Variants in CCDC102B observed in about 807,000 individuals in gnomAD.
CCDC102B encodes the protein coiled-coil domain-containing protein 102B.
A neutral mutation model predicts 57.4 loss-of-function variants in CCDC102B; 75 were observed. The observed-to-expected ratio is 1.31, with a 90% CI of 1.08 to 1.58. The LOEUF (loss-of-function observed/expected upper bound fraction) is 1.58, where lower values mean the gene tolerates loss of function less well. Among genes scored for constraint, CCDC102B ranks in the 40% most tolerant of loss-of-function variants. The pLI is 0.00. For missense variants in CCDC102B, 636 were observed against 582.6 expected (o/e 1.09, Z -0.94); for synonymous variants, 206 against 201.9 (o/e 1.02, Z -0.17).
At chr18:68,824,981 G>A (rs2036849692) in intron 1 of CCDC102B, among the ~76,000 whole-genome samples, 2 of 152,072 alleles carry the variant, frequency 1.3e-5, no homozygotes, top group Admixed American at 1.3e-4. Context: ...AAGGAAATAG[G>A]TTAATATATG....
chr18:68,743,792 T>C (rs1036387824), intron 2 of CCDC102B, among the ~76,000 whole-genome samples: 1 of 152,200 alleles, frequency 6.6e-6, no homozygotes, highest in African/African-American at 2.4e-5. Flanking sequence ...CTTGCAGCTG[T>C]TGAAAGAACT....
chr18:68,823,073 C>T (rs915578690), intron 1 of CCDC102B, among the ~76,000 whole-genome samples: 2 of 152,144 alleles, frequency 1.3e-5, no homozygotes, highest in Admixed American at 1.3e-4. Context: ...GGTTGCAGGA[C>T]CAGGCTCCAT....
intron 6 of CCDC102B, among the ~76,000 whole-genome samples, chr18:68,951,988 TTAAAAA>T (rs2049711865): frequency 6.6e-6 from 1 of 152,088 alleles, no homozygotes; most frequent in South Asian, 2.1e-4. Context: ...TATTTAAACT[TTAAAAA>T]TAAATTCTAA....
intron 5 of CCDC102B, among the ~76,000 whole-genome samples, chr18:68,885,795 A>T (rs2039862828): frequency 6.6e-6 from 1 of 152,056 alleles, no homozygotes. Flanking sequence ...AAAAGACTAC[A>T]AGAGTATTTC....
intron 1 of CCDC102B, among the ~76,000 whole-genome samples, chr18:68,813,260 T>C (rs571776815): frequency 1.1e-4 from 16 of 152,248 alleles, no homozygotes; most frequent in African/African-American, 3.1e-4. Context: ...CCTTCTGCCA[T>C]GATTGTACGC....
At chr18:68,994,956 G>A (rs1568109693) in intron 6 of CCDC102B, among the ~76,000 whole-genome samples, 1 of 152,230 alleles carries the variant, frequency 6.6e-6, no homozygotes, top group Admixed American at 6.5e-5. Flanking sequence ...ACAGGAAAAT[G>A]TGGGAAGGTT....
intron 4 of CCDC102B, among the ~76,000 whole-genome samples, chr18:68,850,642 C>T (rs562194702): frequency 6.6e-6 from 1 of 152,174 alleles, no homozygotes; most frequent in Admixed American, 6.6e-5. Context: ...AAGGTTTTCT[C>T]CTTGTACCAT....
rs552560012 is a variant in CCDC102B, at chr18:68,984,608, C to T, written c.1264-26326C>T. On this transcript the variant is annotated intron_variant, in intron 6 of 7. Transcript: ENST00000360242. ...AACTGGACCCATGTTGCACAACAGG[C>T]GACCTTTAGAATTTAGGTACAGAGA... Among the ~76,000 whole-genome samples the T allele has an allele frequency of 9.2e-5, 14 of 152,140 alleles. No homozygotes were observed. In the East Asian group the frequency reaches 1.2e-3, roughly 13 times the overall value.
rs1043277427 is a variant in CCDC102B, at chr18:68,980,008, C to G, written c.1264-30926C>G. On this transcript the variant is annotated intron_variant, in intron 6 of 7. Coordinates refer to ENST00000360242, the MANE Select transcript of CCDC102B (RefSeq NM_024781.3). ...TTGCTATTGGAGTAGGCGCATGAAC[C>G]TGTAGGTCAAGAATCAGCTGTGGCT... 2.6e-5 allele frequency among the ~76,000 whole-genome samples: 4 copies of G among 151,948 alleles called. No individual in the cohort carries two copies. In the East Asian group the frequency reaches 5.8e-4, roughly 22 times the overall value.
chr18:68,758,784 C>T (rs1367846414), intron 2 of CCDC102B, among the ~76,000 whole-genome samples: 2 of 151,136 alleles, frequency 1.3e-5, no homozygotes, highest in African/African-American at 4.9e-5. Context: ...ATTAACGAGG[C>T]AGAGGGGTTA....
intron 2 of CCDC102B, among the ~76,000 whole-genome samples, chr18:68,787,009 C>T (rs1320745329): frequency 6.6e-6 from 1 of 151,732 alleles, no homozygotes; most frequent in African/African-American, 2.4e-5. Flanking sequence ...CCCATCAATA[C>T]CTAATTTATT....
chr18:69,054,553 G>A lies in CCDC102B; in HGVS notation c.*416G>A, dbSNP rs1260068744. On this transcript the variant is annotated 3_prime_UTR_variant, in exon 8 of 8. Coordinates refer to ENST00000360242, the MANE Select transcript of CCDC102B (RefSeq NM_024781.3). The stretch of plus-strand genomic sequence containing the variant: ...GTTTAAATAATTGGTAAACTTTTAT[G>A]TACGTGTTGTCTATGTGGTGGGGAT... 3.0e-6 allele frequency: 3 copies of A among 989,548 alleles called. No individual in the cohort carries two copies. The African/African-American group carries it at 5.2e-5, about 17-fold the overall frequency. The allele number at this position is 989,548 out of a possible 1,614,324, so 61.3% of individuals were successfully genotyped here. A position where few individuals can be genotyped will look rare whatever the true frequency, so the allele number is the denominator to read the frequency against.
intron 5 of CCDC102B, among the ~76,000 whole-genome samples, chr18:68,882,925 G>T (rs1454581062): frequency 2.0e-5 from 3 of 152,112 alleles, no homozygotes; most frequent in African/African-American, 7.2e-5. Context: ...TTAAAAGTGG[G>T]AGCTAAATGA....
rs372973244 is a variant in CCDC102B, at chr18:68,945,174, A to G, written c.1263+47746A>G. Among the ~76,000 whole-genome samples the G allele has an allele frequency of 2.1e-3, 314 of 149,302 alleles. 2 individuals carry two copies. Among genetic ancestry groups the G allele is most frequent in the African/African-American group, 7.5e-3 (304 of 40,638 alleles). ...CTCATCTAGCTATCACCCCACAGGT[A>G]CAAGTACTTATTTGTTTATATAATT... is the stretch of plus-strand genomic sequence containing the variant. On this transcript the variant is annotated intron_variant, in intron 6 of 7. Coordinates refer to ENST00000360242, the MANE Select transcript of CCDC102B (RefSeq NM_024781.3).
chr18:68,873,958 G>A (rs2039334080), intron 4 of CCDC102B, among the ~76,000 whole-genome samples: 1 of 151,714 alleles, frequency 6.6e-6, no homozygotes, highest in African/African-American at 2.4e-5. Flanking sequence ...GCATATATGT[G>A]TGCAACTACA....
intron 1 of CCDC102B, among the ~76,000 whole-genome samples, chr18:68,816,751 A>G (rs1447049067): frequency 6.6e-6 from 1 of 152,150 alleles, no homozygotes; most frequent in African/African-American, 2.4e-5. Flanking sequence ...GGCTTGAGGC[A>G]CTGCACCCAG....
At chr18:69,039,922 TCC>T (rs1389499642) in intron 7 of CCDC102B, among the ~76,000 whole-genome samples, 1 of 151,896 alleles carries the variant, frequency 6.6e-6, no homozygotes, top group Non-Finnish European at 1.5e-5. Flanking sequence ...TTTCCTACTC[TCC>T]AATTGTAAAA....
At chr18:68,765,379 AAAGAAAGAAAG>A (rs2034430532) in intron 2 of CCDC102B, among the ~76,000 whole-genome samples, 1 of 133,434 alleles carries the variant, frequency 7.5e-6, no homozygotes, top group African/African-American at 2.9e-5. Context: ...GAAAGAAAGA[AAAGAAAGAAAG>A]AAAAGAAAGG....
At chr18:69,025,364 G>A (rs1383785616) in intron 7 of CCDC102B, among the ~76,000 whole-genome samples, 2 of 152,196 alleles carry the variant, frequency 1.3e-5, no homozygotes, top group East Asian at 1.9e-4. Flanking sequence ...TCAATGTAGA[G>A]CTCAGAGACA....
Sources: gnomAD v4.1 joint callset for allele counts (sites outside exome capture counted in the v4.1 genomes callset) on GRCh38, gnomAD v4.1.1 for gene constraint, MANE v1.5 for transcripts, NCBI Gene and HGNC (gene_info 2026-07-23, HGNC 2026-07-21) for gene names.